Variants in MON2 observed in about 807,000 individuals in gnomAD.
MON2 encodes protein MON2 homolog.
In MON2, 84 loss-of-function variants were observed where a neutral mutation model predicts 208.6. That is an observed-to-expected ratio of 0.40 (90% CI 0.34 to 0.48). The LOEUF is 0.48. MON2 is among the 20% of genes least tolerant of loss of function. The pLI is 0.59. For synonymous variants in MON2, 660 were observed against 694.0 expected (o/e 0.95, Z 0.77); for missense variants, 1,611 against 2,015.4 (o/e 0.80, Z 3.84).
At chr12:62,509,955 A>G (rs1166413473) in intron 8 of MON2, among the ~76,000 whole-genome samples, 1 of 152,146 alleles carries the variant, frequency 6.6e-6, no homozygotes, top group Non-Finnish European at 1.5e-5. Flanking sequence ...AACTAAAATC[A>G]GAAATGAAGG....
At chr12:62,531,493 GAAT>G (rs2072640990) in intron 11 of MON2, among the ~76,000 whole-genome samples, 1 of 151,966 alleles carries the variant, frequency 6.6e-6, no homozygotes, top group African/African-American at 2.4e-5. Flanking sequence ...TTTTTTCCAG[GAAT>G]TATTTTGCCA....
intron 1 of MON2, among the ~76,000 whole-genome samples, chr12:62,472,169 T>G (rs1169569272): frequency 6.6e-6 from 1 of 152,062 alleles, no homozygotes; most frequent in Admixed American, 6.5e-5. Context: ...AGCCAATAGT[T>G]TGGATTGACT....
intron 4 of MON2, among the ~76,000 whole-genome samples, chr12:62,495,637 C>T (rs909992261): frequency 6.9e-6 from 1 of 144,134 alleles, no homozygotes; most frequent in African/African-American, 2.6e-5. Flanking sequence ...TTGCAGTGAG[C>T]CGAGATCGTA....
chr12:62,565,386 T>G lies in MON2; in HGVS notation c.4176+6T>G, dbSNP rs191080872. ...CAAATGCAAAATATAATCAGGTAAT[T>G]TACTGTAAATTTTATTTACTTTGTA... On this transcript the variant is annotated splice_donor_region_variant and intron_variant, in intron 27 of 34. Transcript: ENST00000393630. 4.9e-4 allele frequency: 775 copies of G among 1,591,114 alleles called. 6 individuals are homozygous for G. In the African/African-American group the frequency reaches 9.0e-3, roughly 18 times the overall value.
intron 34 of MON2, among the ~76,000 whole-genome samples, chr12:62,589,694 G>C (rs1279912561): frequency 6.8e-6 from 1 of 146,896 alleles, no homozygotes. Context: ...AGGATTGCTT[G>C]AGCCTAGGAG....
chr12:62,534,542 A>ATATATATATAT (rs1306662466), intron 12 of MON2, among the ~76,000 whole-genome samples: 2 of 22,848 alleles, frequency 8.8e-5, no homozygotes, highest in Admixed American at 7.4e-4. Context: ...AAAAAAAAAA[A>ATATATATATAT]ATATATATAT....
At chr12:62,565,418 C>T in intron 27 of MON2, 38 bp downstream of exon 27, 1 of 1,533,358 alleles carries the variant, frequency 6.5e-7, no homozygotes, top group Non-Finnish European at 8.9e-7. Context: ...TGTAAGATTT[C>T]ATGGCTTATA....
At chr12:62,582,724 A>C (rs2075046970) in intron 32 of MON2, among the ~76,000 whole-genome samples, 1 of 150,118 alleles carries the variant, frequency 6.7e-6, no homozygotes, top group Admixed American at 6.7e-5. Flanking sequence ...GTTTTCATTA[A>C]AAAAAAAAAA....
chr12:62,479,149 C>A (rs903826729), intron 1 of MON2, among the ~76,000 whole-genome samples: 2 of 152,088 alleles, frequency 1.3e-5, no homozygotes, highest in Admixed American at 1.3e-4. Context: ...AGATCAGGAA[C>A]AGGAATATAA....
rs1409435535 is a variant in MON2, at chr12:62,508,431, G to A, written c.935G>A (p.Arg312His). 9 of 1,614,062 alleles carry A rather than the reference G, an allele frequency of 5.6e-6. No homozygotes were observed. The highest frequency in any genetic ancestry group is 2.2e-5 in the East Asian group (1 of 44,850). The change falls in exon 8 of 35, where the codon CGT becomes CAT. Residue 312 changes from arginine to histidine, a missense_variant. Transcript: ENST00000393630. ...VEKPYFPICM[R>H]LLRVVSVLIK... is the part of the protein sequence containing the mutation. ...AAACCATATTTTCCTATCTGCATGCGTTTGCTGAGAGTAGTATCTGTTCTG... is the reference window on the plus strand; with the variant it reads ...AAACCATATTTTCCTATCTGCATGCATTTGCTGAGAGTAGTATCTGTTCTG...
rs973137028 is a variant in MON2 at position 62,501,774 on chromosome 12, A to AT, written c.789+84dup. On this transcript the variant is annotated intron_variant, in intron 7 of 34. Coordinates refer to ENST00000393630, the MANE Select transcript of MON2 (RefSeq NM_015026.3). ...GATATTTTTAAAGAAAGCAACGTGTATTTTTTTTCCACCTTAAAAGTGGCA... is the reference window on the plus strand; with the variant it reads ...GATATTTTTAAAGAAAGCAACGTGTATTTTTTTTTCCACCTTAAAAGTGGCA... The AT allele has an allele frequency of 3.6e-5, 55 of 1,547,160 alleles. 1 individual carries two copies. The highest frequency in any genetic ancestry group is 3.3e-4 in the South Asian group (29 of 88,118).
At position 62,588,140 on chromosome 12, in the gene MON2, A is replaced by G. The variant is rs1162847439; in HGVS notation, c.4974A>G (p.Lys1658=). The part of the protein sequence containing the change: ...AVSTLIDSLK[K]TQPENVDGNT... The stretch of plus-strand genomic sequence containing the variant: ...GTACTCTTATTGATTCACTTAAGAA[A>G]ACTCAGCCTGAGAATGGTAAGTGCT... Residue 1658 remains lysine (K), a synonymous_variant, in exon 34 of 35, where the codon AAA becomes AAG. Coordinates refer to ENST00000393630, the MANE Select transcript of MON2 (RefSeq NM_015026.3). The G allele has an allele frequency of 1.3e-6, 2 of 1,576,738 alleles. No individual in the cohort carries two copies. The highest frequency in any genetic ancestry group is 1.7e-6 in the Non-Finnish European group (2 of 1,150,878).
Position 62,467,129 on chromosome 12 carries a change from G to C in MON2, c.-79G>C. On this transcript the variant is annotated 5_prime_UTR_variant, in exon 1 of 35. Coordinates refer to ENST00000393630, the MANE Select transcript of MON2 (RefSeq NM_015026.3). ...GAAGGACCAGAGACACCGGGAGGGAGCTGCCTGTGGCCCTAAGGAGCTGAC... is the reference window on the plus strand; with the variant it reads ...GAAGGACCAGAGACACCGGGAGGGACCTGCCTGTGGCCCTAAGGAGCTGAC... The C allele has an allele frequency of 1.7e-6, 2 of 1,162,802 alleles. No individual in the cohort carries two copies. 72.0% of individuals were successfully genotyped at this position (1,162,802 alleles called of 1,614,324 possible).
At chr12:62,588,178 T>C in intron 34 of MON2, 22 bp downstream of exon 34, 2 of 1,469,226 alleles carry the variant, frequency 1.4e-6, no homozygotes, top group Non-Finnish European at 1.9e-6. Context: ...GAAACAGTTA[T>C]TCTAAATTCG....
chr12:62,489,882 T>C (rs7969992), intron 2 of MON2: 25,806 of 182,952 alleles, frequency 0.14, 2,064 homozygotes, highest in East Asian at 0.27. Context: ...TTTTAAGCAT[T>C]TTGAGTATCA....
At chr12:62,499,070 T>C (rs770644140) in intron 5 of MON2, 22 bp downstream of exon 5, 1 of 1,606,286 alleles carries the variant, frequency 6.2e-7, no homozygotes, top group South Asian at 1.1e-5. Flanking sequence ...GAAGTTGTTT[T>C]ACTTTGTGGG....
At chr12:62,557,963 T>TATATATATATA (rs1491431148) in intron 25 of MON2, among the ~76,000 whole-genome samples, 30 of 19,498 alleles carry the variant, frequency 1.5e-3, no homozygotes, top group African/African-American at 5.1e-3. Context: ...TATATATATA[T>TATATATATATA]TTTTTTTTTT....
chr12:62,467,955 GT>G (rs762020012), intron 1 of MON2, among the ~76,000 whole-genome samples: 6 of 147,102 alleles, frequency 4.1e-5, no homozygotes, highest in Non-Finnish European at 8.9e-5. Flanking sequence ...TGAGCTTCGG[GT>G]TTTTTTTTCC....
intron 2 of MON2, among the ~76,000 whole-genome samples, chr12:62,490,271 T>A (rs1015521756): frequency 7.2e-5 from 11 of 152,180 alleles, no homozygotes; most frequent in African/African-American, 2.7e-4. Flanking sequence ...AACCTATTTT[T>A]ATGTTTTAAT....
Sources: allele counts gnomAD v4.1 joint callset (sites outside exome capture counted in the v4.1 genomes callset), GRCh38; gene constraint gnomAD v4.1.1; transcripts MANE v1.5; gene names NCBI Gene and HGNC (gene_info 2026-07-23, HGNC 2026-07-21).